Variants in SPIRE1 observed in about 807,000 individuals in gnomAD.
SPIRE1 encodes spire type actin nucleation factor 1.
In SPIRE1, 40 loss-of-function variants were observed where a neutral mutation model predicts 94.1. That is an observed-to-expected ratio of 0.43 (90% CI 0.33 to 0.55). SPIRE1 has a LOEUF of 0.55. Among genes scored for constraint, SPIRE1 ranks in the 20% least tolerant of loss-of-function variants. The pLI, the probability that SPIRE1 is intolerant of heterozygous loss-of-function variation, is 0.06. For missense variants in SPIRE1, 838 were observed against 975.2 expected, an observed-to-expected ratio of 0.86 and a Z score of 1.87; for synonymous variants, 376 against 371.7, an observed-to-expected ratio of 1.01 and a Z score of -0.13.
intron 16 of SPIRE1, 123 bp from the exon 17 acceptor site, chr18:12,450,019 A>G: frequency 9.8e-7 from 1 of 1,019,220 alleles, no homozygotes; most frequent in Admixed American, 2.8e-5. Flanking sequence ...TGAGTGATTT[A>G]ATCATATGTC....
chr18:12,571,678 G>C (rs561656705), intron 2 of SPIRE1, among the ~76,000 whole-genome samples: 3 of 152,122 alleles, frequency 2.0e-5, no homozygotes, highest in Non-Finnish European at 4.4e-5. Flanking sequence ...AAATACTATT[G>C]TAATCCCACA....
chr18:12,554,023 G>A (rs896325716), intron 2 of SPIRE1, among the ~76,000 whole-genome samples: 1 of 152,094 alleles, frequency 6.6e-6, no homozygotes, highest in Non-Finnish European at 1.5e-5. Flanking sequence ...GATACCAGCT[G>A]GGTGCGGTGG....
At chr18:12,478,454 G>A (rs1184728234) in intron 10 of SPIRE1, among the ~76,000 whole-genome samples, 6 of 150,992 alleles carry the variant, frequency 4.0e-5, no homozygotes, top group Admixed American at 2.6e-4. Context: ...GTGTAGCTAG[G>A]GTGTGTGTGT....
rs545160656 is a variant in SPIRE1, at chr18:12,448,256, T to C, written c.*1382A>G. 1 of 152,766 alleles carries C rather than the reference T, an allele frequency of 6.5e-6. No homozygotes were observed. The highest frequency in any genetic ancestry group is 2.4e-5 in the African/African-American group (1 of 41,584). 9.5% of individuals were successfully genotyped at this position (152,766 alleles called of 1,614,324 possible). A position where few individuals can be genotyped will look rare whatever the true frequency, so the allele number is the denominator to read the frequency against. On this transcript the variant is annotated 3_prime_UTR_variant, in exon 17 of 17. Transcript: ENST00000409402. This position sits in a 1 kb window ranked among gnomAD's most constrained non-coding sequence, Gnocchi z 4.4. Reference sequence around the variant, plus strand: ...TTTAGTATAGAAATGTTACTGTATTTTGATGTGGTATGAAATGCAGCCGCC... The same window carrying C: ...TTTAGTATAGAAATGTTACTGTATTCTGATGTGGTATGAAATGCAGCCGCC...
rs779765546 is a variant in SPIRE1, at chr18:12,486,021, A to T, written c.1190-21T>A. The T allele has an allele frequency of 4.0e-6, 6 of 1,514,680 alleles. No individual in the cohort carries two copies. The South Asian group carries it at 7.6e-5, about 19-fold the overall frequency. 93.8% of individuals were successfully genotyped at this position (1,514,680 alleles called of 1,614,324 possible). On this transcript the variant is annotated intron_variant, in intron 8 of 16. Coordinates refer to ENST00000409402, the MANE Select transcript of SPIRE1 (RefSeq NM_001128626.2). ...CATTGCTGAAAAAAAGAAAACAAAC[A>T]ATAAAAAGAAAATAATTCAGCTGTT... is the stretch of plus-strand genomic sequence containing the variant.
chr18:12,458,234 T>C (rs2031615217), intron 12 of SPIRE1, among the ~76,000 whole-genome samples: 1 of 152,106 alleles, frequency 6.6e-6, no homozygotes, highest in Admixed American at 6.6e-5. Context: ...AACCATTGCT[T>C]TTTGAGTTTT....
rs1022148102 is a variant in SPIRE1 at position 12,450,732 on chromosome 18, C to T, written c.2013-836G>A. 1.9e-4 allele frequency: 126 copies of T among 665,144 alleles called. No homozygotes were observed. The Admixed American group carries it at 2.5e-3, about 13-fold the overall frequency. The allele number at this position is 665,144 out of a possible 1,614,324, so 41.2% of individuals were successfully genotyped here. On this transcript the variant is annotated intron_variant, in intron 16 of 16. Transcript: ENST00000409402. ...GATCCTAATGCCCCGAAAAAGCCAC[C>T]GTCTGGATTCTTCCTGCTCTGTTCA...
chr18:12,542,934 C>T (rs895247840), intron 3 of SPIRE1, among the ~76,000 whole-genome samples: 3 of 152,174 alleles, frequency 2.0e-5, no homozygotes, highest in African/African-American at 7.2e-5. Context: ...TCAAGCCATT[C>T]TCCTGCCTTA....
intron 4 of SPIRE1, among the ~76,000 whole-genome samples, chr18:12,517,980 A>G (rs183682920): frequency 1.8e-4 from 28 of 152,350 alleles, no homozygotes; most frequent in African/African-American, 6.7e-4. Flanking sequence ...AATGCATTAT[A>G]ATAAGGAATA....
chr18:12,485,896 A>T, intron 9 of SPIRE1, 63 bp downstream of exon 9: 1 of 1,203,242 alleles, frequency 8.3e-7, no homozygotes, highest in Non-Finnish European at 1.2e-6. Flanking sequence ...CAGATGAATG[A>T]AATGTATTTC....
chr18:12,506,261 G>A (rs752081742), intron 6 of SPIRE1, among the ~76,000 whole-genome samples: 2 of 152,034 alleles, frequency 1.3e-5, no homozygotes, highest in East Asian at 1.9e-4. Context: ...GGGTTCAAGC[G>A]ATTCTTCTGC....
intron 2 of SPIRE1, among the ~76,000 whole-genome samples, chr18:12,566,465 T>C (rs2035823463): frequency 6.6e-6 from 1 of 152,232 alleles, no homozygotes; most frequent in Admixed American, 6.5e-5. Context: ...AAAACTTTTA[T>C]TTTGCTTATT....
chr18:12,618,894 TCC>T (rs56395730), intron 2 of SPIRE1, among the ~76,000 whole-genome samples: 1 of 144,382 alleles, frequency 6.9e-6, no homozygotes, highest in East Asian at 2.0e-4. Flanking sequence ...ACAATTTTTT[TCC>T]CCCCCAAGAC....
chr18:12,504,590 G>A (rs1182709058), intron 6 of SPIRE1, among the ~76,000 whole-genome samples: 1 of 152,188 alleles, frequency 6.6e-6, no homozygotes, highest in African/African-American at 2.4e-5. Flanking sequence ...CCTCAAAAAT[G>A]TGGATAGAAT....
Position 12,506,549 on chromosome 18 carries a change from T to C in SPIRE1, c.900A>G (p.Glu300=), listed in dbSNP as rs1006183107. 2 of 1,613,946 alleles carry C rather than the reference T, an allele frequency of 1.2e-6. No homozygotes were observed. Among genetic ancestry groups the C allele is most frequent in the African/African-American group, 1.3e-5 (1 of 74,926 alleles). ...ACATCTCATAAGGGGTGAGCTGATA[T>C]TCAATGGGCAAAGGGTTGTACTGCC... ...QERQYNPLPI[E]YQLTPYEMLM... Residue 300 remains glutamate (E), a synonymous_variant, in exon 6 of 17, where the codon GAA becomes GAG. Coordinates refer to ENST00000409402, the MANE Select transcript of SPIRE1 (RefSeq NM_001128626.2).
intron 4 of SPIRE1, among the ~76,000 whole-genome samples, chr18:12,534,597 C>G (rs1289651422): frequency 6.6e-6 from 1 of 151,902 alleles, no homozygotes; most frequent in East Asian, 1.9e-4. Context: ...GAAAATTGGT[C>G]TCTCTCTCTC....
intron 2 of SPIRE1, among the ~76,000 whole-genome samples, chr18:12,599,157 C>G (rs922628849): frequency 2.0e-5 from 3 of 152,154 alleles, no homozygotes; most frequent in African/African-American, 7.2e-5. Flanking sequence ...AACATCTAAT[C>G]CACAGTCTAT....
At chr18:12,598,174 T>C (rs762304717) in intron 2 of SPIRE1, among the ~76,000 whole-genome samples, 4 of 152,200 alleles carry the variant, frequency 2.6e-5, no homozygotes, top group Non-Finnish European at 5.9e-5. Context: ...AACATACACA[T>C]TTTTAAACTA....
At chr18:12,583,788 G>A (rs2036320204) in intron 2 of SPIRE1, among the ~76,000 whole-genome samples, 1 of 151,906 alleles carries the variant, frequency 6.6e-6, no homozygotes, top group South Asian at 2.1e-4. Context: ...TGCTGGGCGT[G>A]GTGGCACACA....
Sources: gnomAD v4.1 joint callset for allele counts (sites outside exome capture counted in the v4.1 genomes callset) on GRCh38, gnomAD v4.1.1 for gene constraint, Gnocchi (gnomAD v3.1) non-coding constraint, MANE v1.5 for transcripts, NCBI Gene and HGNC (gene_info 2026-07-23, HGNC 2026-07-21) for gene names.